SORCS1: variants seen among roughly 807,000 people sequenced by gnomAD.
SORCS1 encodes sortilin related VPS10 domain containing receptor 1, also known as VPS10 domain-containing receptor SorCS1.
Under a neutral mutation model 146.1 loss-of-function variants are expected in SORCS1, and 60 were observed. That is an observed-to-expected ratio of 0.41 (90% CI 0.33 to 0.51). SORCS1 has a LOEUF of 0.51. Among genes scored for constraint, SORCS1 ranks in the 20% least tolerant of loss-of-function variants. The probability of loss-of-function intolerance (pLI) is 0.21; values close to 1 mark genes in which losing one functional copy is unlikely to be tolerated. For synonymous variants in SORCS1, 637 were observed against 584.0 expected (o/e 1.09, Z -1.31); for missense variants, 1,352 against 1,487.6 (o/e 0.91, Z 1.50).
At chr10:107,038,414 C>A (rs867919658) in intron 1 of SORCS1, among the ~76,000 whole-genome samples, 1 of 151,008 alleles carries the variant, frequency 6.6e-6, no homozygotes, top group East Asian at 2.0e-4. Flanking sequence ...GGGGGAGAGA[C>A]AGCATTAGGA....
intron 24 of SORCS1, among the ~76,000 whole-genome samples, chr10:106,585,485 T>C (rs1845176229): frequency 6.6e-6 from 1 of 152,192 alleles, no homozygotes; most frequent in Non-Finnish European, 1.5e-5. Context: ...AATCTGGTGA[T>C]GGCTCCAGAA....
intron 23 of SORCS1, among the ~76,000 whole-genome samples, chr10:106,603,741 T>C (rs1440258801): frequency 6.6e-6 from 1 of 152,204 alleles, no homozygotes; most frequent in African/African-American, 2.4e-5. Flanking sequence ...ATTTCTGTTC[T>C]TTGGGTTTGC....
At chr10:106,876,245 A>G (rs1247798535) in intron 2 of SORCS1, among the ~76,000 whole-genome samples, 2 of 152,198 alleles carry the variant, frequency 1.3e-5, no homozygotes, top group Non-Finnish European at 2.9e-5. Flanking sequence ...TGAATAATTC[A>G]GCAGTGCATT....
At chr10:106,910,559 C>T (rs1952103603) in intron 2 of SORCS1, among the ~76,000 whole-genome samples, 1 of 152,060 alleles carries the variant, frequency 6.6e-6, no homozygotes, top group Non-Finnish European at 1.5e-5. Flanking sequence ...AGATCATTAC[C>T]AATGATATAA....
chr10:106,900,666 T>A (rs949197966), intron 2 of SORCS1, among the ~76,000 whole-genome samples: 4 of 152,186 alleles, frequency 2.6e-5, no homozygotes, highest in Non-Finnish European at 5.9e-5. Flanking sequence ...CATCCCTAAC[T>A]TCCCCACTCT....
At chr10:107,076,799 G>A (rs1225953630) in intron 1 of SORCS1, among the ~76,000 whole-genome samples, 1 of 152,088 alleles carries the variant, frequency 6.6e-6, no homozygotes, top group Non-Finnish European at 1.5e-5. Context: ...TTCTGATGGT[G>A]GCTGTTATTC....
At chr10:106,683,690 C>T (rs1314143879) in intron 10 of SORCS1, among the ~76,000 whole-genome samples, 1 of 152,170 alleles carries the variant, frequency 6.6e-6, no homozygotes, top group Non-Finnish European at 1.5e-5. Flanking sequence ...CCTTTATCTC[C>T]ATGGTATCTA....
intron 4 of SORCS1, among the ~76,000 whole-genome samples, chr10:106,774,426 AGTGTGTGTGT>A (rs3045083): frequency 2.0e-5 from 3 of 147,618 alleles, no homozygotes; most frequent in Non-Finnish European, 3.0e-5. Context: ...TAGGTTCCAA[AGTGTGTGTGT>A]GTGTGTGTGT....
intron 23 of SORCS1, among the ~76,000 whole-genome samples, chr10:106,599,311 T>C (rs901190544): frequency 6.7e-6 from 1 of 150,198 alleles, no homozygotes; most frequent in Non-Finnish European, 1.5e-5. Context: ...GACGTTGCAG[T>C]GAGCCAAGAT....
At chr10:106,771,924 C>T (rs1417499342) in intron 4 of SORCS1, among the ~76,000 whole-genome samples, 1 of 152,184 alleles carries the variant, frequency 6.6e-6, no homozygotes, top group African/African-American at 2.4e-5. Flanking sequence ...AGGCTCCACA[C>T]ATTTTCCTTT....
chr10:106,884,235 T>C (rs2137771207), intron 2 of SORCS1, among the ~76,000 whole-genome samples: 1 of 152,296 alleles, frequency 6.6e-6, no homozygotes. Flanking sequence ...TTAAATTCCT[T>C]TTTACAAGAT....
At chr10:106,942,610 C>A (rs1026512233) in intron 2 of SORCS1, among the ~76,000 whole-genome samples, 3 of 152,178 alleles carry the variant, frequency 2.0e-5, no homozygotes, top group Admixed American at 1.3e-4. Flanking sequence ...AACCAAATGG[C>A]AGGACACCCC....
At chr10:106,764,512 T>C (rs1422928185) in intron 4 of SORCS1, among the ~76,000 whole-genome samples, 1 of 152,180 alleles carries the variant, frequency 6.6e-6, no homozygotes, top group African/African-American at 2.4e-5. Flanking sequence ...TTTATTTCCC[T>C]CCCTGTCTGT....
chr10:107,042,378 A>G (rs1373616929), intron 1 of SORCS1, among the ~76,000 whole-genome samples: 1 of 152,206 alleles, frequency 6.6e-6, no homozygotes, highest in Non-Finnish European at 1.5e-5. Flanking sequence ...GACTCACATC[A>G]TCTAGATTTA....
chr10:106,935,535 G>A (rs1474412699), intron 2 of SORCS1, among the ~76,000 whole-genome samples: 1 of 152,158 alleles, frequency 6.6e-6, no homozygotes, highest in Non-Finnish European at 1.5e-5. Context: ...AATAGGAACA[G>A]CAATGTTTTA....
intron 16 of SORCS1, among the ~76,000 whole-genome samples, chr10:106,670,899 T>C (rs1178292570): frequency 6.6e-6 from 1 of 151,794 alleles, no homozygotes; most frequent in African/African-American, 2.4e-5. Context: ...TTACCATGTT[T>C]CCCAGGCTGG....
At chr10:106,856,897 G>A (rs1949808187) in intron 2 of SORCS1, among the ~76,000 whole-genome samples, 1 of 152,244 alleles carries the variant, frequency 6.6e-6, no homozygotes. Flanking sequence ...TCGGGGGACA[G>A]CATTTGTCCT....
rs1297795463 is a variant in SORCS1, at chr10:106,776,527, T to C, written c.885+7A>G. On this transcript the variant is annotated splice_region_variant and intron_variant, in intron 4 of 25. Transcript: ENST00000263054. ...TTCATTGTCTCAAACAAGGTAAGTATGCTCACCTTTTGGTCTTGACTGTAT... is the reference window on the plus strand; with the variant it reads ...TTCATTGTCTCAAACAAGGTAAGTACGCTCACCTTTTGGTCTTGACTGTAT... 1 of 1,613,770 alleles carries C rather than the reference T, an allele frequency of 6.2e-7. No individual in the cohort carries two copies. The highest frequency in any genetic ancestry group is 1.7e-5 in the Admixed American group (1 of 59,996).
At chr10:106,933,496 T>A (rs181002006) in intron 2 of SORCS1, among the ~76,000 whole-genome samples, 1 of 152,356 alleles carries the variant, frequency 6.6e-6, no homozygotes. Flanking sequence ...AATTCATTGA[T>A]TTATTAAACA....
Sources: gnomAD v4.1 joint callset for allele counts (sites outside exome capture counted in the v4.1 genomes callset) on GRCh38, gnomAD v4.1.1 for gene constraint, MANE v1.5 for transcripts, NCBI Gene and HGNC (gene_info 2026-07-23, HGNC 2026-07-21) for gene names.